OPCML: variants seen among roughly 807,000 people sequenced by gnomAD.
OPCML encodes the protein opioid binding protein/cell adhesion molecule like.
Under a neutral mutation model 37.8 loss-of-function variants are expected in OPCML, and 13 were observed. The observed-to-expected ratio is 0.34, with a 90% CI of 0.22 to 0.55. The LOEUF (loss-of-function observed/expected upper bound fraction) is 0.55, where lower values mean the gene tolerates loss of function less well. Ranked by LOEUF, OPCML falls within the 20% of genes least tolerant of loss-of-function variation. The probability of loss-of-function intolerance (pLI) is 0.91; values close to 1 mark genes in which losing one functional copy is unlikely to be tolerated. For missense variants in OPCML, 341 were observed against 435.6 expected (o/e 0.78, Z 1.93); for synonymous variants, 176 against 168.8 (o/e 1.04, Z -0.33).
chr11:132,710,844 G>A (rs1944235742), intron 2 of OPCML, among the ~76,000 whole-genome samples: 1 of 151,772 alleles, frequency 6.6e-6, no homozygotes, highest in Admixed American at 6.6e-5. Context: ...GACAGAGACA[G>A]ACTCCAACTC....
At chr11:132,719,659 G>A (rs569504587) in intron 2 of OPCML, among the ~76,000 whole-genome samples, 77 of 152,334 alleles carry the variant, frequency 5.1e-4, no homozygotes, top group African/African-American at 1.9e-3. Context: ...CCCAGGAGAA[G>A]TCAGGAAGAG....
chr11:132,676,625 C>A (rs1942713402), intron 2 of OPCML, among the ~76,000 whole-genome samples: 1 of 151,640 alleles, frequency 6.6e-6, no homozygotes, highest in Admixed American at 6.6e-5. Flanking sequence ...TAAAACAAAA[C>A]TATCTGAATA....
At chr11:133,076,658 C>A (rs879693352) in intron 1 of OPCML, among the ~76,000 whole-genome samples, 2 of 152,088 alleles carry the variant, frequency 1.3e-5, no homozygotes, top group Non-Finnish European at 1.5e-5. Flanking sequence ...GACACCCCAC[C>A]CCCCGCATAG....
chr11:133,480,647 T>C (rs1947353089), intron 1 of OPCML, among the ~76,000 whole-genome samples: 1 of 152,256 alleles, frequency 6.6e-6, no homozygotes, highest in Non-Finnish European at 1.5e-5. Context: ...CATGAAACTC[T>C]TTCTGACCCC....
chr11:132,634,945 C>T (rs1393268064), intron 3 of OPCML, among the ~76,000 whole-genome samples: 2 of 152,026 alleles, frequency 1.3e-5, no homozygotes, highest in Admixed American at 6.6e-5. Flanking sequence ...ATAATGCCCT[C>T]TTACTATGTT....
intron 1 of OPCML, chr11:133,297,467 G>A (rs1387446303): frequency 6.6e-6 from 1 of 152,202 alleles, no homozygotes; most frequent in Non-Finnish European, 1.5e-5. Context: ...TAGAACATAG[G>A]CCTTGTAACA....
chr11:133,042,540 C>T (rs1947923358), intron 1 of OPCML, among the ~76,000 whole-genome samples: 1 of 152,146 alleles, frequency 6.6e-6, no homozygotes, highest in Admixed American at 6.5e-5. Flanking sequence ...CTCAACTCTC[C>T]CAATAGGCTA....
Position 133,056,010 on chromosome 11 carries a change from G to C in OPCML, c.62-113000C>G, listed in dbSNP as rs149713380. 2.6e-3 allele frequency among the ~76,000 whole-genome samples: 390 copies of C among 152,264 alleles called. 2 individuals carry two copies. Among genetic ancestry groups the C allele is most frequent in the African/African-American group, 8.2e-3 (341 of 41,530 alleles). Reference sequence around the variant, plus strand: ...CCTCCATGATAATTCCAAGTGGTGAGACTCCATGAGGGAGCCGCCTCTACC... The same window carrying C: ...CCTCCATGATAATTCCAAGTGGTGACACTCCATGAGGGAGCCGCCTCTACC... On this transcript the variant is annotated intron_variant, in intron 1 of 7. Coordinates refer to ENST00000524381, the MANE Select transcript of OPCML (RefSeq NM_001012393.5).
In OPCML at chr11:133,432,523, G is replaced by C. The variant is rs114616799; in HGVS notation, c.61+99741C>G. Among the ~76,000 whole-genome samples the C allele has an allele frequency of 1.4e-4, 22 of 152,168 alleles. No homozygotes were observed. The South Asian group carries it at 4.4e-3, about 30-fold the overall frequency. The stretch of plus-strand genomic sequence containing the variant: ...CCCAAGTAGCTGGGATTATAGGCAC[G>C]AGCCACCATGCCCAGTTTTTTGTAT... On this transcript the variant is annotated intron_variant, in intron 1 of 7. Transcript: ENST00000524381.
intron 1 of OPCML, among the ~76,000 whole-genome samples, chr11:133,113,422 G>A (rs1006677791): frequency 1.3e-5 from 2 of 152,162 alleles, no homozygotes; most frequent in African/African-American, 4.8e-5. Context: ...GAAGAACAAG[G>A]AAGCAGGAGA....
chr11:133,380,726 G>A (rs115108140), intron 1 of OPCML, among the ~76,000 whole-genome samples: 1,705 of 152,224 alleles, frequency 0.011, 28 homozygotes, highest in African/African-American at 0.037. Flanking sequence ...TTCCCAGCCT[G>A]CCAGTTTCGT....
At chr11:132,420,479 C>T (rs1183514718) in intron 7 of OPCML, 186 bp from the exon 8 acceptor site, 7 of 768,038 alleles carry the variant, frequency 9.1e-6, no homozygotes, top group East Asian at 1.3e-4. Context: ...TGTTGGGATG[C>T]CTTGACCAAT....
intron 3 of OPCML, among the ~76,000 whole-genome samples, chr11:132,548,282 G>A (rs1333309246): frequency 6.6e-6 from 1 of 152,106 alleles, no homozygotes; most frequent in African/African-American, 2.4e-5. Flanking sequence ...AAGGAAGTAG[G>A]GCAGAAAGGA....
intron 1 of OPCML, among the ~76,000 whole-genome samples, chr11:133,055,965 A>C (rs1223460458): frequency 1.4e-5 from 2 of 140,402 alleles, no homozygotes; most frequent in Non-Finnish European, 3.1e-5. Flanking sequence ...TGAGGGAGCC[A>C]CCTCTACCAT....
intron 1 of OPCML, among the ~76,000 whole-genome samples, chr11:133,267,457 G>A (rs1941695248): frequency 6.6e-6 from 1 of 152,164 alleles, no homozygotes; most frequent in African/African-American, 2.4e-5. Context: ...CTACTGTGAA[G>A]ATTAAGTGAG....
intron 2 of OPCML, among the ~76,000 whole-genome samples, chr11:132,760,113 T>G (rs2136094559): frequency 6.6e-6 from 1 of 152,284 alleles, no homozygotes; most frequent in South Asian, 2.1e-4. Context: ...CAGTTTTGAG[T>G]GAGTTTCTTA....
chr11:132,949,508 T>A (rs1201083321), intron 1 of OPCML, among the ~76,000 whole-genome samples: 1 of 152,172 alleles, frequency 6.6e-6, no homozygotes, highest in East Asian at 1.9e-4. Context: ...TATGGATGGA[T>A]ACTTCCAACC....
At chr11:133,361,280 G>A (rs1288988315) in intron 1 of OPCML, 1 of 152,382 alleles carries the variant, frequency 6.6e-6, no homozygotes, top group Non-Finnish European at 1.5e-5. Context: ...GTCCCGCGTG[G>A]AGGGGGTTTC....
intron 1 of OPCML, among the ~76,000 whole-genome samples, chr11:133,137,479 A>G (rs941913217): frequency 2.6e-5 from 4 of 152,214 alleles, no homozygotes; most frequent in African/African-American, 7.2e-5. Context: ...GGACTGACTC[A>G]TAGCACAGAA....
Sources: allele counts gnomAD v4.1 joint callset (sites outside exome capture counted in the v4.1 genomes callset), GRCh38; gene constraint gnomAD v4.1.1; transcripts MANE v1.5; gene names NCBI Gene and HGNC (gene_info 2026-07-23, HGNC 2026-07-21).